Variants in AGMO observed in about 807,000 individuals in gnomAD.
The protein encoded by AGMO is alkylglycerol monooxygenase, also known as glyceryl-ether monooxygenase.
Under a neutral mutation model 60.2 loss-of-function variants are expected in AGMO, and 75 were observed. The observed-to-expected ratio is 1.25, with a 90% CI of 1.03 to 1.51. AGMO has a LOEUF of 1.51. Ranked by LOEUF, AGMO falls within the 40% of genes most tolerant of loss-of-function variation. The pLI is 0.00. For missense variants in AGMO, 763 were observed against 525.5 expected, an observed-to-expected ratio of 1.45 and a Z score of -4.42; for synonymous variants, 261 against 177.1, an observed-to-expected ratio of 1.47 and a Z score of -3.76.
At chr7:15,167,931 A>T in the AGMO span, among the ~76,000 whole-genome samples, 1 of 152,360 alleles carries the variant, frequency 6.6e-6, no homozygotes, top group Non-Finnish European at 1.5e-5. Context: ...TCTTATCTAC[A>T]GGCAATGAGC....
At chr7:15,388,558 G>C (rs930550771) in intron 8 of AGMO, among the ~76,000 whole-genome samples, 1 of 152,060 alleles carries the variant, frequency 6.6e-6, no homozygotes, top group Non-Finnish European at 1.5e-5. Context: ...AGAAATATAT[G>C]GTAATGTTTT....
chr7:15,546,446 C>G (rs1269832739), intron 2 of AGMO, among the ~76,000 whole-genome samples: 1 of 152,218 alleles, frequency 6.6e-6, no homozygotes, highest in African/African-American at 2.4e-5. Flanking sequence ...TCTGAATACT[C>G]TAGAATACAT....
intron 11 of AGMO, 44 bp from the exon 12 acceptor site, chr7:15,365,663 C>CT (rs2128561419): frequency 7.8e-7 from 1 of 1,281,692 alleles, no homozygotes; most frequent in Admixed American, 1.8e-5. Context: ...TAAATATGCT[C>CT]TTTATATGTT....
chr7:15,466,743 T>C (rs1358282437), intron 3 of AGMO, among the ~76,000 whole-genome samples: 1 of 152,176 alleles, frequency 6.6e-6, no homozygotes, highest in Non-Finnish European at 1.5e-5. Flanking sequence ...AAATTATTTG[T>C]AAAGCATTTC....
chr7:15,451,121 C>A (rs10269287), intron 3 of AGMO, among the ~76,000 whole-genome samples: 123 of 151,866 alleles, frequency 8.1e-4, no homozygotes, highest in African/African-American at 2.8e-3. Context: ...TCTCTTTCAT[C>A]CAGAATTTTA....
chr7:15,529,666 T>TAATTCTATATATAGAATATATA (rs1784242203), intron 3 of AGMO, among the ~76,000 whole-genome samples: 1 of 12,358 alleles, frequency 8.1e-5, no homozygotes, highest in South Asian at 2.4e-3. Context: ...CTATATATAT[T>TAATTCTATATATAGAATATATA]CTATATATAT....
intron 12 of AGMO, among the ~76,000 whole-genome samples, chr7:15,220,218 T>TTC (rs1554396837): frequency 6.8e-6 from 1 of 146,740 alleles, no homozygotes; most frequent in African/African-American, 2.6e-5. Flanking sequence ...CTTTTTTTTT[T>TTC]TTTTTTTTTT....
At chr7:15,118,851 T>C in the AGMO span, among the ~76,000 whole-genome samples, 1 of 149,482 alleles carries the variant, frequency 6.7e-6, no homozygotes, top group Non-Finnish European at 1.5e-5. Context: ...TATTTCAGTG[T>C]CTTGGATAAT....
At position 15,365,844 on chromosome 7, in the gene AGMO, T is replaced by C. The variant is rs752565293; in HGVS notation, c.1158-225A>G. Among the ~76,000 whole-genome samples, 120 of 152,038 alleles carry C rather than the reference T, an allele frequency of 7.9e-4. 5 individuals carry two copies. Among genetic ancestry groups the C allele is most frequent in the Non-Finnish European group, 7.9e-4 (54 of 67,952 alleles). On this transcript the variant is annotated intron_variant, in intron 11 of 12. Transcript: ENST00000342526. ...ACATATTGCTTAGTTTGAGCACTGA[T>C]GAGTTATGAAGTTTATTTTCAGCTA...
At chr7:15,451,183 G>T (rs946133591) in intron 3 of AGMO, among the ~76,000 whole-genome samples, 2 of 152,112 alleles carry the variant, frequency 1.3e-5, no homozygotes, top group African/African-American at 4.8e-5. Flanking sequence ...TTTATAGAGA[G>T]AGGTATATAG....
At chr7:15,397,246 C>A (rs2128488413) in intron 5 of AGMO, among the ~76,000 whole-genome samples, 1 of 152,214 alleles carries the variant, frequency 6.6e-6, no homozygotes, top group South Asian at 2.1e-4. Flanking sequence ...GCGGTCCGCG[C>A]ATGGTACCCA....
intron 6 of AGMO, among the ~76,000 whole-genome samples, chr7:15,392,815 C>T (rs897638744): frequency 1.3e-5 from 2 of 151,470 alleles, no homozygotes; most frequent in Non-Finnish European, 2.9e-5. Context: ...AACAAACAAA[C>T]AAACAAACAA....
chr7:15,211,594 C>A (rs1781593831), intron 12 of AGMO, among the ~76,000 whole-genome samples: 2 of 151,672 alleles, frequency 1.3e-5, no homozygotes, highest in South Asian at 4.2e-4. Flanking sequence ...CCTTTTGAAA[C>A]ACATTTTAGT....
chr7:15,202,611 C>T (rs1475303422), intron 12 of AGMO, among the ~76,000 whole-genome samples: 1 of 151,752 alleles, frequency 6.6e-6, no homozygotes, highest in East Asian at 1.9e-4. Context: ...TCTTCAAATT[C>T]ATGCATTCCT....
At chr7:15,323,687 G>A (rs1329189965) in intron 12 of AGMO, among the ~76,000 whole-genome samples, 2 of 152,184 alleles carry the variant, frequency 1.3e-5, no homozygotes, top group Non-Finnish European at 2.9e-5. Context: ...TTTTGCCAGA[G>A]CAAAGGGCTA....
At chr7:15,413,429 T>A (rs879606130) in intron 5 of AGMO, among the ~76,000 whole-genome samples, 1 of 152,136 alleles carries the variant, frequency 6.6e-6, no homozygotes, top group Non-Finnish European at 1.5e-5. Flanking sequence ...AAGAAAATCA[T>A]GACCAGGACC....
intron 12 of AGMO, among the ~76,000 whole-genome samples, chr7:15,322,526 AAATATATAAAT>A (rs1781156485): frequency 2.5e-5 from 2 of 80,886 alleles, no homozygotes; most frequent in Non-Finnish European, 4.1e-5. Flanking sequence ...AAATATATAT[AAATATATAAAT>A]ATATATATAA....
chr7:15,386,268 C>A (rs1450588112), intron 9 of AGMO, among the ~76,000 whole-genome samples: 1 of 152,132 alleles, frequency 6.6e-6, no homozygotes, highest in African/African-American at 2.4e-5. Context: ...AACAACTTTT[C>A]TAAAGTTATT....
At chr7:15,124,285 C>T in the AGMO span, among the ~76,000 whole-genome samples, 1 of 151,996 alleles carries the variant, frequency 6.6e-6, no homozygotes, top group Admixed American at 6.6e-5. Context: ...ACCTGAGCCA[C>T]TTATCTCTGT....
Sources: gnomAD v4.1 joint callset for allele counts (sites outside exome capture counted in the v4.1 genomes callset) on GRCh38, gnomAD v4.1.1 for gene constraint, MANE v1.5 for transcripts, NCBI Gene and HGNC (gene_info 2026-07-23, HGNC 2026-07-21) for gene names.